The following SIPA1L1 variants were observed in gnomAD, a reference collection of about 807,000 sequenced individuals.
The protein encoded by SIPA1L1 is signal induced proliferation associated 1 like 1.
In SIPA1L1, 26 loss-of-function variants were observed where a neutral mutation model predicts 162.7. That is an observed-to-expected ratio of 0.16 (90% CI 0.12 to 0.22). SIPA1L1 has a LOEUF of 0.22. Ranked by LOEUF, SIPA1L1 falls within the 10% of genes least tolerant of loss-of-function variation. The pLI is 1.00. For synonymous variants in SIPA1L1, 829 were observed against 837.4 expected, an observed-to-expected ratio of 0.99 and a Z score of 0.17; for missense variants, 1,874 against 2,241.0, an observed-to-expected ratio of 0.84 and a Z score of 3.31.
intron 5 of SIPA1L1, among the ~76,000 whole-genome samples, chr14:71,603,912 T>G (rs914421706): frequency 7.5e-5 from 11 of 146,450 alleles, no homozygotes; most frequent in South Asian, 2.1e-4. Context: ...AAGAGCAAGA[T>G]ATATATAAAT....
At position 71,723,871 on chromosome 14, in the gene SIPA1L1, T is replaced by A; in HGVS notation, c.4433T>A (p.Phe1478Tyr). 1 of 1,614,162 alleles carries A rather than the reference T, an allele frequency of 6.2e-7. No homozygotes were observed. Among genetic ancestry groups the A allele is most frequent in the Non-Finnish European group, 8.5e-7 (1 of 1,180,026 alleles). The part of the protein sequence containing the change: ...KPEGTINSVG[F>Y]MDTRKRHQSD... ...GAAGGAACCATAAACTCCGTGGGAT[T>A]TATGGACACGAGAAAGTAAGAGTTA... Residue 1478 changes from phenylalanine (F) to tyrosine (Y), a missense_variant, in exon 18 of 24, where the codon TTT becomes TAT. Around this residue, in one of 5 missense-constraint regions of SIPA1L1, gnomAD observed 936 missense variants for 1,051.9 expected, o/e 0.89. Coordinates refer to ENST00000381232, the MANE Select transcript of SIPA1L1 (RefSeq NM_001386936.1).
intron 12 of SIPA1L1, among the ~76,000 whole-genome samples, chr14:71,676,552 T>G: frequency 6.6e-6 from 1 of 150,876 alleles, no homozygotes; most frequent in Non-Finnish European, 1.5e-5. Context: ...TGTATACATG[T>G]GCCATGTTGG....
intron 5 of SIPA1L1, among the ~76,000 whole-genome samples, chr14:71,611,978 A>G (rs1275249167): frequency 2.6e-5 from 4 of 152,196 alleles, no homozygotes; most frequent in Non-Finnish European, 5.9e-5. Context: ...CAAGTCGACT[A>G]TTTAAAAAAA....
chr14:71,736,352 G>A (rs1041022011), intron 22 of SIPA1L1, among the ~76,000 whole-genome samples: 2 of 152,174 alleles, frequency 1.3e-5, no homozygotes, highest in Non-Finnish European at 1.5e-5. Flanking sequence ...AGCCAAGATC[G>A]CACCACTGTA....
intron 2 of SIPA1L1, among the ~76,000 whole-genome samples, chr14:71,379,876 CTT>C (rs980722268): frequency 1.3e-5 from 2 of 152,096 alleles, no homozygotes; most frequent in Non-Finnish European, 1.5e-5. Context: ...TTAATACCGT[CTT>C]TTTTTGTTAT....
chr14:71,678,156 G>A (rs1056115623), intron 12 of SIPA1L1, among the ~76,000 whole-genome samples: 8 of 152,212 alleles, frequency 5.3e-5, no homozygotes, highest in African/African-American at 7.2e-5. Flanking sequence ...TGATTGCCCC[G>A]GCCAGAACTT....
intron 7 of SIPA1L1, among the ~76,000 whole-genome samples, chr14:71,626,169 T>G (rs1324327163): frequency 1.3e-5 from 2 of 152,234 alleles, no homozygotes; most frequent in African/African-American, 4.8e-5. Context: ...GTTGTTTTCT[T>G]TAATATCTTT....
intron 2 of SIPA1L1, among the ~76,000 whole-genome samples, chr14:71,329,955 A>T (rs1367509796): frequency 1.3e-5 from 2 of 152,322 alleles, no homozygotes; most frequent in East Asian, 3.9e-4. Context: ...ACCTCTGGCA[A>T]TACAAGGATG....
chr14:71,681,405 G>A (rs2045798507), intron 12 of SIPA1L1, among the ~76,000 whole-genome samples: 1 of 152,150 alleles, frequency 6.6e-6, no homozygotes, highest in Admixed American at 6.5e-5. Context: ...ATTCTGTTGA[G>A]GGCCACTAGC....
intron 2 of SIPA1L1, among the ~76,000 whole-genome samples, chr14:71,475,390 A>G (rs1190122729): frequency 2.0e-5 from 3 of 152,154 alleles, no homozygotes; most frequent in East Asian, 1.9e-4. Context: ...GGTGAGAACA[A>G]TGTTGTTGGA....
intron 4 of SIPA1L1, among the ~76,000 whole-genome samples, chr14:71,564,490 C>CTTTTCTTTTTT (rs1555459919): frequency 6.1e-5 from 6 of 97,778 alleles, no homozygotes; most frequent in South Asian, 3.4e-4. Flanking sequence ...CATTTTCTTT[C>CTTTTCTTTTTT]TTTTTTTTTT....
At chr14:71,602,443 T>G (rs1032264935) in intron 5 of SIPA1L1, among the ~76,000 whole-genome samples, 1 of 152,246 alleles carries the variant, frequency 6.6e-6, no homozygotes, top group Non-Finnish European at 1.5e-5. Flanking sequence ...ATTTCAAGTT[T>G]TAAAGTTTTG....
chr14:71,534,240 A>G (rs2053693274), intron 4 of SIPA1L1, among the ~76,000 whole-genome samples: 2 of 152,216 alleles, frequency 1.3e-5, no homozygotes, highest in East Asian at 1.9e-4. Context: ...AAATCACCCA[A>G]CCTCATTACC....
At chr14:71,506,440 G>A (rs142503857) in intron 2 of SIPA1L1, among the ~76,000 whole-genome samples, 18 of 152,138 alleles carry the variant, frequency 1.2e-4, no homozygotes, top group African/African-American at 4.3e-4. Flanking sequence ...TCACAAGTTC[G>A]AGTGATTCTT....
chr14:71,442,464 C>T (rs1337325998), intron 2 of SIPA1L1, among the ~76,000 whole-genome samples: 2 of 152,050 alleles, frequency 1.3e-5, no homozygotes, highest in Non-Finnish European at 2.9e-5. Flanking sequence ...TAGTAATTAA[C>T]ATGAAAAATG....
chr14:71,356,675 C>T (rs1283117954), intron 2 of SIPA1L1, among the ~76,000 whole-genome samples: 2 of 151,292 alleles, frequency 1.3e-5, no homozygotes, highest in Non-Finnish European at 1.5e-5. Context: ...ATGATGGTGC[C>T]ACTGTACTCC....
chr14:71,391,103 C>T (rs1392760228), intron 2 of SIPA1L1, among the ~76,000 whole-genome samples: 17 of 108,452 alleles, frequency 1.6e-4, no homozygotes, highest in Admixed American at 2.4e-4. Flanking sequence ...TATTCAGTAT[C>T]TTTTTTTTTT....
At chr14:71,543,388 C>A (rs1596002053) in intron 4 of SIPA1L1, among the ~76,000 whole-genome samples, 1 of 152,274 alleles carries the variant, frequency 6.6e-6, no homozygotes, top group South Asian at 2.1e-4. Flanking sequence ...AATTTCATTT[C>A]TCTTGGGTGA....
At chr14:71,480,623 T>C (rs1205576101) in intron 2 of SIPA1L1, among the ~76,000 whole-genome samples, 1 of 151,584 alleles carries the variant, frequency 6.6e-6, no homozygotes, top group Non-Finnish European at 1.5e-5. Flanking sequence ...TTAGCTGGGC[T>C]TGGTGGTGGG....
Sources: gnomAD v4.1 joint callset for allele counts (sites outside exome capture counted in the v4.1 genomes callset) on GRCh38, gnomAD v4.1.1 for gene constraint, gnomAD v4.1.1 regional missense constraint, MANE v1.5 for transcripts, NCBI Gene and HGNC (gene_info 2026-07-23, HGNC 2026-07-21) for gene names.